ITGA1: variants seen among roughly 807,000 people sequenced by gnomAD.
ITGA1 encodes the protein integrin alpha-1.
In ITGA1, 85 loss-of-function variants were observed where a neutral mutation model predicts 145.9. That is an observed-to-expected ratio of 0.58 (90% CI 0.49 to 0.70). The LOEUF (loss-of-function observed/expected upper bound fraction) is 0.70, where lower values mean the gene tolerates loss of function less well. Ranked by LOEUF, ITGA1 falls within the 30% of genes least tolerant of loss-of-function variation. The pLI is 0.00. For missense variants in ITGA1, 1,351 were observed against 1,418.7 expected, an observed-to-expected ratio of 0.95 and a Z score of 0.77; for synonymous variants, 520 against 495.3, an observed-to-expected ratio of 1.05 and a Z score of -0.66.
chr5:52,842,536 T>G (rs1301447824), intron 1 of ITGA1, among the ~76,000 whole-genome samples: 1 of 152,246 alleles, frequency 6.6e-6, no homozygotes, highest in Non-Finnish European at 1.5e-5. Flanking sequence ...ATCAGTTAGC[T>G]CATTTTTTGA....
At chr5:52,905,106 A>G (rs1368182757) in intron 11 of ITGA1, 1 of 152,206 alleles carries the variant, frequency 6.6e-6, no homozygotes, top group Non-Finnish European at 1.5e-5. Flanking sequence ...AGACACTATA[A>G]GAACCATTAA....
In ITGA1 at chr5:52,926,722, G is replaced by A. The variant is rs115236761; in HGVS notation, c.2614-862G>A. Among the ~76,000 whole-genome samples, 1,228 of 152,078 alleles carry A rather than the reference G, an allele frequency of 8.1e-3. 20 individuals are homozygous for A. The highest frequency in any genetic ancestry group is 0.027 in the African/African-American group (1,119 of 41,488). ...ATTATTGCCTGTATCCTCCTATGCT[G>A]ACTTAATGGCCTGGCAGAGAGGCAT... On this transcript the variant is annotated intron_variant, in intron 19 of 28. Transcript: ENST00000282588.
intron 6 of ITGA1, among the ~76,000 whole-genome samples, chr5:52,880,923 T>C (rs1462197175): frequency 6.6e-6 from 1 of 152,154 alleles, no homozygotes. Context: ...GTAGGAGAGA[T>C]AGCCATTACT....
At chr5:52,862,331 A>G (rs908348263) in intron 3 of ITGA1, among the ~76,000 whole-genome samples, 1 of 152,140 alleles carries the variant, frequency 6.6e-6, no homozygotes, top group African/African-American at 2.4e-5. Flanking sequence ...TGAGTTCAAG[A>G]AGTAATCTAT....
At chr5:52,794,492 A>G (rs931284938) in intron 1 of ITGA1, among the ~76,000 whole-genome samples, 2 of 124,022 alleles carry the variant, frequency 1.6e-5, no homozygotes, top group Non-Finnish European at 3.4e-5. Context: ...AATACATGCA[A>G]ATAGAAATAC....
At chr5:52,897,593 AT>A in intron 10 of ITGA1, 65 bp downstream of exon 10, 1 of 1,190,728 alleles carries the variant, frequency 8.4e-7, no homozygotes, top group South Asian at 1.2e-5. Context: ...CAAAACCAAC[AT>A]CTAGCCATCA....
At chr5:52,908,154 T>C (rs1019963634) in intron 12 of ITGA1, among the ~76,000 whole-genome samples, 2 of 152,180 alleles carry the variant, frequency 1.3e-5, no homozygotes, top group Non-Finnish European at 2.9e-5. Context: ...GGGTGGTCTA[T>C]GCCACAGGGG....
intron 1 of ITGA1, among the ~76,000 whole-genome samples, chr5:52,823,191 G>A (rs1748907097): frequency 6.6e-6 from 1 of 151,968 alleles, no homozygotes; most frequent in Admixed American, 6.6e-5. Flanking sequence ...ATCTGTATGA[G>A]GTATTTAATC....
intron 2 of ITGA1, among the ~76,000 whole-genome samples, chr5:52,851,800 G>GT (rs1749435927): frequency 6.6e-6 from 1 of 151,956 alleles, no homozygotes; most frequent in Non-Finnish European, 1.5e-5. Flanking sequence ...GGTGGGTTAG[G>GT]TTTTTTTTAT....
Position 52,788,360 on chromosome 5 carries a change from C to G in ITGA1, c.7C>G (p.Pro3Ala), listed in dbSNP as rs1748166570. 1 of 1,510,152 alleles carries G rather than the reference C, an allele frequency of 6.6e-7. No individual in the cohort carries two copies. Among genetic ancestry groups the G allele is most frequent in the Non-Finnish European group, 8.8e-7 (1 of 1,133,752 alleles). 93.5% of individuals were successfully genotyped at this position (1,510,152 alleles called of 1,614,324 possible). ...CGCTGAGGCTGCTCCGGCCATGGCCCCTCGGCCCCGCGCCCGCCCAGGGGT... is the reference window on the plus strand; with the variant it reads ...CGCTGAGGCTGCTCCGGCCATGGCCGCTCGGCCCCGCGCCCGCCCAGGGGT... The part of the protein sequence containing the change: MA[P>A]RPRARPGVAV... The change falls in exon 1 of 29, where the codon CCT becomes GCT. Residue 3 changes from proline to alanine, a missense_variant. Coordinates refer to ENST00000282588, the MANE Select transcript of ITGA1 (RefSeq NM_181501.2).
At chr5:52,898,707 A>G (rs1332506222) in intron 11 of ITGA1, among the ~76,000 whole-genome samples, 1 of 152,150 alleles carries the variant, frequency 6.6e-6, no homozygotes, top group African/African-American at 2.4e-5. Context: ...CCTGGTGGAC[A>G]AGAAATGAGA....
intron 6 of ITGA1, among the ~76,000 whole-genome samples, chr5:52,877,288 G>T (rs113463063): frequency 1.3e-5 from 2 of 152,178 alleles, no homozygotes; most frequent in African/African-American, 4.8e-5. Flanking sequence ...AAGAGAGGGA[G>T]ATCAGCAGCA....
At position 52,947,970 on chromosome 5, in the gene ITGA1, T is replaced by C. The variant is rs1360917795; in HGVS notation, c.3495+509T>C. 2.6e-5 allele frequency among the ~76,000 whole-genome samples: 4 copies of C among 152,160 alleles called. No homozygotes were observed. The East Asian group carries it at 7.7e-4, about 29-fold the overall frequency. On this transcript the variant is annotated intron_variant, in intron 28 of 28. Coordinates refer to ENST00000282588, the MANE Select transcript of ITGA1 (RefSeq NM_181501.2). ...AATATATATGGCACATTTTATGTAA[T>C]AAATTGTGTGCCTGAGTGGAGGATA...
chr5:52,852,398 A>G (rs1749443855), intron 2 of ITGA1, among the ~76,000 whole-genome samples: 1 of 152,194 alleles, frequency 6.6e-6, no homozygotes, highest in African/African-American at 2.4e-5. Flanking sequence ...TACTTAAGGG[A>G]TGAGCCTTCA....
Position 52,898,233 on chromosome 5 carries a change from T to C in ITGA1, c.1165-6T>C. The C allele has an allele frequency of 6.6e-7, 1 of 1,510,142 alleles. No individual in the cohort carries two copies. Among genetic ancestry groups the C allele is most frequent in the Non-Finnish European group, 8.9e-7 (1 of 1,129,390 alleles). The allele number at this position is 1,510,142 out of a possible 1,614,324, so 93.5% of individuals were successfully genotyped here. On this transcript the variant is annotated splice_polypyrimidine_tract_variant and splice_region_variant and intron_variant, in intron 10 of 28. Transcript: ENST00000282588. ...AATATTATTATCTTATTTATTTGCATGTAAGGACTGGGTCATGCTTGGAGC... is the reference window on the plus strand; with the variant it reads ...AATATTATTATCTTATTTATTTGCACGTAAGGACTGGGTCATGCTTGGAGC...
At chr5:52,860,170 T>G (rs753980089) in intron 2 of ITGA1, among the ~76,000 whole-genome samples, 8 of 152,362 alleles carry the variant, frequency 5.3e-5, no homozygotes, top group Non-Finnish European at 1.0e-4. Flanking sequence ...ATATACTTGA[T>G]AAGTATTTTT....
intron 1 of ITGA1, among the ~76,000 whole-genome samples, chr5:52,833,993 T>A (rs1034733632): frequency 6.6e-6 from 1 of 152,240 alleles, no homozygotes; most frequent in African/African-American, 2.4e-5. Context: ...ACAAATTTTA[T>A]TAAACACATC....
chr5:52,804,196 C>T (rs1748545883), intron 1 of ITGA1: 1 of 152,150 alleles, frequency 6.6e-6, no homozygotes, highest in Non-Finnish European at 1.5e-5. Flanking sequence ...CTAATTCCAA[C>T]TGCTACTCAT....
rs114622900 is a variant in ITGA1, at chr5:52,831,825, A to G, written c.62-17540A>G. 3.6e-3 allele frequency among the ~76,000 whole-genome samples: 548 copies of G among 152,258 alleles called. 6 individuals are homozygous for G. The highest frequency in any genetic ancestry group is 5.8e-3 in the Non-Finnish European group (396 of 68,014). On this transcript the variant is annotated intron_variant, in intron 1 of 28. Coordinates refer to ENST00000282588, the MANE Select transcript of ITGA1 (RefSeq NM_181501.2). Reference sequence around the variant, plus strand: ...ACATATTCATAATATAGTCATGTCTATACATTGATTAACATATTTGTTATC... The same window carrying G: ...ACATATTCATAATATAGTCATGTCTGTACATTGATTAACATATTTGTTATC...
Sources: allele counts gnomAD v4.1 joint callset (sites outside exome capture counted in the v4.1 genomes callset), GRCh38; gene constraint gnomAD v4.1.1; transcripts MANE v1.5; gene names NCBI Gene and HGNC (gene_info 2026-07-23, HGNC 2026-07-21).